Variants in MET observed in about 807,000 individuals in gnomAD.
MET encodes hepatocyte growth factor receptor.
Under a neutral mutation model 133.1 loss-of-function variants are expected in MET, and 48 were observed. The observed-to-expected ratio is 0.36, with a 90% CI of 0.29 to 0.46. The LOEUF (loss-of-function observed/expected upper bound fraction) is 0.46. Ranked by LOEUF, MET falls within the 20% of genes least tolerant of loss-of-function variation. MET has a pLI of 1.00. For synonymous variants in MET, 628 were observed against 616.5 expected (o/e 1.02, Z -0.28); for missense variants, 1,442 against 1,695.9 (o/e 0.85, Z 2.63).
chr7:116,672,560 G>A lies in MET; in HGVS notation c.-32G>A, dbSNP rs1796012802. On this transcript the variant is annotated 5_prime_UTR_variant, in exon 1 of 21. Transcript: ENST00000397752. Reference sequence around the variant, plus strand: ...CCTTGCGCCGCTGACTTCTCCACTGGTTCCTGGGCACCGAAAGGTAAAATT... The same window carrying A: ...CCTTGCGCCGCTGACTTCTCCACTGATTCCTGGGCACCGAAAGGTAAAATT... The A allele has an allele frequency of 2.5e-6, 1 of 395,108 alleles. No homozygotes were observed. Among genetic ancestry groups the A allele is most frequent in the South Asian group, 1.3e-4 (1 of 7,846 alleles). 24.5% of individuals were successfully genotyped at this position (395,108 alleles called of 1,614,324 possible). A position where few individuals can be genotyped will look rare whatever the true frequency, so the allele number is the denominator to read the frequency against.
At chr7:116,674,910 T>A (rs1198024271) in intron 1 of MET, among the ~76,000 whole-genome samples, 2 of 152,218 alleles carry the variant, frequency 1.3e-5, no homozygotes, top group Non-Finnish European at 2.9e-5. Flanking sequence ...TGGTCTGCTG[T>A]GTTTATTCAT....
chr7:116,703,030 A>G (rs1044441427), intron 2 of MET, among the ~76,000 whole-genome samples: 6 of 152,154 alleles, frequency 3.9e-5, no homozygotes, highest in African/African-American at 1.4e-4. Flanking sequence ...GCATCTTCTC[A>G]TATTGATGAC....
At chr7:116,767,471 T>G (rs1794668559) in intron 11 of MET, among the ~76,000 whole-genome samples, 1 of 152,248 alleles carries the variant, frequency 6.6e-6, no homozygotes, top group African/African-American at 2.4e-5. Context: ...GTAGATTTTG[T>G]GTCAAATGGA....
chr7:116,770,052 G>GT (rs1422375699), intron 12 of MET: 1 of 526,850 alleles, frequency 1.9e-6, no homozygotes, highest in Non-Finnish European at 3.4e-6. Context: ...AAAATTTGCT[G>GT]TAATTCTCAG....
At chr7:116,759,706 A>G in intron 10 of MET, 1 of 573,888 alleles carries the variant, frequency 1.7e-6, no homozygotes, top group East Asian at 3.3e-5. Flanking sequence ...ACACACATGC[A>G]CATATAATGT....
At chr7:116,787,036 A>G (rs1048851644) in intron 19 of MET, among the ~76,000 whole-genome samples, 4 of 152,148 alleles carry the variant, frequency 2.6e-5, no homozygotes, top group African/African-American at 9.7e-5. Flanking sequence ...GGTGACTGGG[A>G]GTTTGTTTTC....
intron 1 of MET, among the ~76,000 whole-genome samples, chr7:116,685,618 G>A (rs899339823): frequency 6.6e-5 from 10 of 151,982 alleles, no homozygotes; most frequent in South Asian, 4.1e-4. Context: ...CTTGGGAGGC[G>A]GAGGTTGCAG....
In MET at chr7:116,797,335, T is replaced by G. The variant is rs1584979998; in HGVS notation, c.*1211T>G. On this transcript the variant is annotated 3_prime_UTR_variant, in exon 21 of 21. Coordinates refer to ENST00000397752, the MANE Select transcript of MET (RefSeq NM_000245.4). ...AGAAAGGGTGGATGGATTGAAAAGATTAGCCTCTGTCTCGGTGGCAGGTTC... is the reference window on the plus strand; with the variant it reads ...AGAAAGGGTGGATGGATTGAAAAGAGTAGCCTCTGTCTCGGTGGCAGGTTC... The G allele has an allele frequency of 1.8e-5, 4 of 228,528 alleles. No individual in the cohort carries two copies. The East Asian group carries it at 2.5e-4, about 14-fold the overall frequency. 14.2% of individuals were successfully genotyped at this position (228,528 alleles called of 1,614,324 possible).
rs1194542748 is a variant in MET, at chr7:116,731,757, C to G, written c.1290C>G (p.Phe430Leu). Residue 430 changes from phenylalanine to leucine, a missense_variant, in exon 3 of 21, where the codon TTC becomes TTG. By Grantham distance (22) the Phe-to-Leu change is conservative. Transcript: ENST00000397752. ...FTTALQRVDLFMGQFSEVLLT... is the reference protein window; with the variant it reads ...FTTALQRVDLLMGQFSEVLLT... ...CAGCTTTGCAGCGCGTTGACTTATT[C>G]ATGGGTCAATTCAGCGAAGTCCTCT... is the stretch of plus-strand genomic sequence containing the variant. The G allele has an allele frequency of 6.2e-7, 1 of 1,614,124 alleles. No individual in the cohort carries two copies. The highest frequency in any genetic ancestry group is 1.3e-5 in the African/African-American group (1 of 75,054).
chr7:116,674,987 G>A (rs186533526), intron 1 of MET, among the ~76,000 whole-genome samples: 60 of 152,318 alleles, frequency 3.9e-4, no homozygotes, highest in Non-Finnish European at 2.8e-4. Flanking sequence ...TCAAGTGTCC[G>A]GAAGTGAGCC....
intron 19 of MET, among the ~76,000 whole-genome samples, chr7:116,785,756 G>T (rs1795292619): frequency 6.6e-6 from 1 of 152,212 alleles, no homozygotes; most frequent in Non-Finnish European, 1.5e-5. Context: ...GATGAAAGGA[G>T]GAGCATCTCA....
rs1584840711 is a variant in MET, at chr7:116,672,534, T to G, written c.-58T>G. On this transcript the variant is annotated 5_prime_UTR_variant, in exon 1 of 21. Transcript: ENST00000397752. Reference sequence around the variant, plus strand: ...GGGGAGGCGCGGAGCGCGCGTGTGGTCCTTGCGCCGCTGACTTCTCCACTG... The same window carrying G: ...GGGGAGGCGCGGAGCGCGCGTGTGGGCCTTGCGCCGCTGACTTCTCCACTG... 2.5e-6 allele frequency: 1 copy of G among 397,428 alleles called. No homozygotes were observed. 24.6% of individuals were successfully genotyped at this position (397,428 alleles called of 1,614,324 possible).
rs560878054 is a variant in MET at position 116,796,195 on chromosome 7, G to A, written c.*71G>A. On this transcript the variant is annotated 3_prime_UTR_variant, in exon 21 of 21. Transcript: ENST00000397752. The stretch of plus-strand genomic sequence containing the variant: ...TTTTTCACTGCCTGACCTTTAAAAG[G>A]CCATCGATATTCTTTGCTCTTGCCA... 7.1e-7 allele frequency: 1 copy of A among 1,411,948 alleles called. No individual in the cohort carries two copies. Among genetic ancestry groups the A allele is most frequent in the Admixed American group, 1.7e-5 (1 of 59,754 alleles). The allele number at this position is 1,411,948 out of a possible 1,614,324, so 87.5% of individuals were successfully genotyped here.
chr7:116,693,565 C>G (rs143363456), intron 1 of MET, among the ~76,000 whole-genome samples: 1,762 of 152,292 alleles, frequency 0.012, 18 homozygotes, highest in Non-Finnish European at 0.017. Context: ...AGTGTTTGAC[C>G]TCAGAATTGT....
intron 14 of MET, among the ~76,000 whole-genome samples, chr7:116,773,657 CCAA>C (rs2117017456): frequency 6.6e-6 from 1 of 152,258 alleles, no homozygotes; most frequent in Non-Finnish European, 1.5e-5. Flanking sequence ...CCTCACTCAC[CCAA>C]CATTTCAGGT....
At chr7:116,758,156 G>T (rs1794260611) in intron 8 of MET, among the ~76,000 whole-genome samples, 1 of 152,134 alleles carries the variant, frequency 6.6e-6, no homozygotes, top group Admixed American at 6.5e-5. Context: ...GGAAAATTGG[G>T]TCTGGAAGAC....
intron 9 of MET, 148 bp from the exon 10 acceptor site, chr7:116,759,243 C>T: frequency 2.5e-6 from 3 of 1,181,454 alleles, no homozygotes; most frequent in South Asian, 1.8e-5. Context: ...AAGTTGTTTC[C>T]AAAGAACAGT....
At chr7:116,686,711 C>A (rs1039637619) in intron 1 of MET, among the ~76,000 whole-genome samples, 2 of 152,346 alleles carry the variant, frequency 1.3e-5, no homozygotes, top group East Asian at 3.9e-4. Context: ...TTCAACAAAA[C>A]ATATCAGACT....
intron 1 of MET, 97 bp from the exon 2 acceptor site, chr7:116,698,974 G>A: frequency 6.4e-7 from 1 of 1,551,888 alleles, no homozygotes. Context: ...GTCCAGTTGG[G>A]AAGCTTTATT....
Sources: gnomAD v4.1 joint callset for allele counts (sites outside exome capture counted in the v4.1 genomes callset) on GRCh38, gnomAD v4.1.1 for gene constraint, MANE v1.5 for transcripts, NCBI Gene and HGNC (gene_info 2026-07-23, HGNC 2026-07-21) for gene names.